Variants in DIS3L2 observed in about 807,000 individuals in gnomAD.
The protein encoded by DIS3L2 is DIS3 like 3'-5' exoribonuclease 2.
Under a neutral mutation model 97.5 loss-of-function variants are expected in DIS3L2, and 34 were observed. The ratio of observed to expected loss-of-function variants is 0.35; its 90% CI spans 0.27 to 0.46. The LOEUF (loss-of-function observed/expected upper bound fraction) is 0.46, where lower values mean the gene tolerates loss of function less well. Ranked by LOEUF, DIS3L2 falls within the 20% of genes least tolerant of loss-of-function variation. The probability of loss-of-function intolerance (pLI) is 1.00; values close to 1 mark genes in which losing one functional copy is unlikely to be tolerated. For missense variants in DIS3L2, 1,038 were observed against 1,146.0 expected, an observed-to-expected ratio of 0.91 and a Z score of 1.36; for synonymous variants, 435 against 445.2, an observed-to-expected ratio of 0.98 and a Z score of 0.29.
chr2:232,015,045 G>C, intron 2 of DIS3L2, 66 bp downstream of exon 2: 2 of 1,545,510 alleles, frequency 1.3e-6, no homozygotes, highest in Non-Finnish European at 1.8e-6. Flanking sequence ...GAATGGGTGT[G>C]AAGTGGAGGC....
chr2:232,277,649 G>A (rs552126776), intron 13 of DIS3L2, among the ~76,000 whole-genome samples: 225 of 152,236 alleles, frequency 1.5e-3, no homozygotes, highest in Middle Eastern at 0.014. Flanking sequence ...AGGCGTGTAC[G>A]TGTACATTTT....
intron 1 of DIS3L2, among the ~76,000 whole-genome samples, chr2:231,972,687 G>A (rs1692957105): frequency 6.6e-6 from 1 of 152,156 alleles, no homozygotes; most frequent in East Asian, 1.9e-4. Flanking sequence ...GGAACTACAG[G>A]TGTGTGCCAC....
chr2:232,195,560 G>T (rs1181474436), intron 9 of DIS3L2, among the ~76,000 whole-genome samples: 3 of 149,146 alleles, frequency 2.0e-5, no homozygotes, highest in Non-Finnish European at 4.5e-5. Context: ...GCGGTGGGGT[G>T]GGGTGGGGTA....
intron 9 of DIS3L2, among the ~76,000 whole-genome samples, chr2:232,209,426 A>G (rs2106216842): frequency 6.6e-6 from 1 of 152,336 alleles, no homozygotes; most frequent in East Asian, 1.9e-4. Context: ...AAGTATGGGC[A>G]ACATCATCAG....
chr2:232,194,421 G>A (rs563752015), intron 9 of DIS3L2, among the ~76,000 whole-genome samples: 1 of 152,200 alleles, frequency 6.6e-6, no homozygotes, highest in Non-Finnish European at 1.5e-5. Flanking sequence ...GGGTGTTTTG[G>A]CAGAACTGGT....
At chr2:232,181,626 TTTTTTTAA>T (rs1275377151) in intron 9 of DIS3L2, among the ~76,000 whole-genome samples, 4 of 152,020 alleles carry the variant, frequency 2.6e-5, no homozygotes, top group Admixed American at 6.6e-5. Context: ...GCCCGGCTAT[TTTTTTTAA>T]TTTTTTAATT....
chr2:232,129,125 C>A (rs1263149821), intron 6 of DIS3L2, among the ~76,000 whole-genome samples: 1 of 152,192 alleles, frequency 6.6e-6, no homozygotes, highest in Non-Finnish European at 1.5e-5. Context: ...GAAGATGGAG[C>A]CATCAGTGAT....
At chr2:231,994,290 A>G (rs1446298080) in intron 1 of DIS3L2, among the ~76,000 whole-genome samples, 3 of 152,094 alleles carry the variant, frequency 2.0e-5, no homozygotes, top group Non-Finnish European at 2.9e-5. Flanking sequence ...CTATAGCTAT[A>G]TAGCTTAAAA....
chr2:232,181,746 C>T (rs541265014), intron 9 of DIS3L2, among the ~76,000 whole-genome samples: 16 of 152,128 alleles, frequency 1.1e-4, no homozygotes, highest in Non-Finnish European at 2.1e-4. Flanking sequence ...TCAAGTGATT[C>T]TCCTGTGTCA....
intron 9 of DIS3L2, among the ~76,000 whole-genome samples, chr2:232,195,596 G>A (rs1207788724): frequency 1.1e-4 from 17 of 151,326 alleles, no homozygotes; most frequent in Admixed American, 1.1e-3. Context: ...GGTGCCACAA[G>A]ACCAGGTGAG....
chr2:232,215,493 C>T (rs1357996097), intron 10 of DIS3L2, among the ~76,000 whole-genome samples: 4 of 152,206 alleles, frequency 2.6e-5, no homozygotes, highest in Non-Finnish European at 4.4e-5. Context: ...TGGATTGTCT[C>T]TGCAGCCTGC....
At chr2:232,227,872 G>A (rs1366029003) in intron 10 of DIS3L2, among the ~76,000 whole-genome samples, 1 of 152,164 alleles carries the variant, frequency 6.6e-6, no homozygotes, top group African/African-American at 2.4e-5. Flanking sequence ...AATACACATA[G>A]TTGTTTTATA....
rs1178130612 is a variant in DIS3L2, at chr2:232,269,377, CTTA to C, written c.1659+5943_1659+5945del. 6.6e-6 allele frequency among the ~76,000 whole-genome samples: 1 copy of C among 152,136 alleles called. No individual in the cohort carries two copies. Among genetic ancestry groups the C allele is most frequent in the African/African-American group, 2.4e-5 (1 of 41,426 alleles). Reference sequence around the variant, plus strand: ...TTATCCTGTCTGGCTCTTCCTTGGTCTTATTATTTATGTTGTCACTTAAACACA... The same window carrying C: ...TTATCCTGTCTGGCTCTTCCTTGGTCTTATTTATGTTGTCACTTAAACACA... On this transcript the variant is annotated intron_variant, in intron 13 of 20. Coordinates refer to ENST00000325385, the MANE Select transcript of DIS3L2 (RefSeq NM_152383.5). This position sits in a 1 kb window ranked among gnomAD's most constrained non-coding sequence, Gnocchi z 4.5.
downstream of DIS3L2, among the ~76,000 whole-genome samples, chr2:232,338,012 CCTT>C (rs564208421): frequency 7.3e-5 from 11 of 150,864 alleles, no homozygotes; most frequent in South Asian, 1.9e-3. Flanking sequence ...GTCCCCAGAA[CCTT>C]CTCCTGGAGC....
chr2:232,155,443 A>G (rs1690464023), intron 8 of DIS3L2, among the ~76,000 whole-genome samples: 1 of 152,134 alleles, frequency 6.6e-6, no homozygotes. Context: ...TTTTTCAGAA[A>G]GGGCTTATGA....
At position 232,333,888 on chromosome 2, in the gene DIS3L2, C is replaced by T. The variant is rs372762400; in HGVS notation, c.2059C>T (p.Arg687Trp). 2.0e-5 allele frequency: 33 copies of T among 1,612,780 alleles called. No homozygotes were observed. The highest frequency in any genetic ancestry group is 4.5e-5 in the East Asian group (2 of 44,874). Residue 687 changes from arginine to tryptophan, a missense_variant, in exon 17 of 21, where the codon CGG becomes TGG. By Grantham distance (101) the Arg-to-Trp change is moderately radical (BLOSUM62 -3). Transcript: ENST00000325385. ...GCTGCTGCAGGACCCAGCGCAGTTC[C>T]GGCACTACGCGCTCAATGTGCCCCT... is the stretch of plus-strand genomic sequence containing the variant. The part of the protein sequence containing the change: ...SGLLQDPAQF[R>W]HYALNVPLYT...
chr2:232,146,087 T>G (rs1158009559), intron 8 of DIS3L2, among the ~76,000 whole-genome samples: 1 of 152,172 alleles, frequency 6.6e-6, no homozygotes, highest in African/African-American at 2.4e-5. Flanking sequence ...TGAAATGATC[T>G]GGGTATATGC....
At chr2:231,996,537 T>A (rs1693736174) in intron 1 of DIS3L2, among the ~76,000 whole-genome samples, 1 of 152,220 alleles carries the variant, frequency 6.6e-6, no homozygotes, top group Non-Finnish European at 1.5e-5. Context: ...TTAAAAATTA[T>A]GAAACAATTT....
At chr2:232,165,900 C>A (rs1399421649) in intron 9 of DIS3L2, among the ~76,000 whole-genome samples, 1 of 151,880 alleles carries the variant, frequency 6.6e-6, no homozygotes, top group East Asian at 1.9e-4. Context: ...AGAAGTATTC[C>A]ATTTTTTCTA....
Sources: gnomAD v4.1 joint callset for allele counts (sites outside exome capture counted in the v4.1 genomes callset) on GRCh38, gnomAD v4.1.1 for gene constraint, Gnocchi (gnomAD v3.1) non-coding constraint, MANE v1.5 for transcripts, NCBI Gene and HGNC (gene_info 2026-07-23, HGNC 2026-07-21) for gene names.